The following RPS6KA2 variants were observed in gnomAD, a reference collection of about 807,000 sequenced individuals.
RPS6KA2 encodes ribosomal protein S6 kinase A2, also known as ribosomal protein S6 kinase alpha-2.
RPS6KA2 carries 42 observed loss-of-function variants against 91.8 expected under a neutral mutation model. The ratio of observed to expected loss-of-function variants is 0.46; its 90% confidence interval spans 0.36 to 0.59. RPS6KA2 has a LOEUF of 0.59. RPS6KA2 is among the 20% of genes least tolerant of loss of function. The pLI is 0.00. For synonymous variants in RPS6KA2, 414 were observed against 393.6 expected, an observed-to-expected ratio of 1.05 and a Z score of -0.61; for missense variants, 798 against 978.5, an observed-to-expected ratio of 0.82 and a Z score of 2.46.
At chr6:166,640,073 T>G (rs148106591) in intron 2 of RPS6KA2, among the ~76,000 whole-genome samples, 1 of 152,296 alleles carries the variant, frequency 6.6e-6, no homozygotes, top group Non-Finnish European at 1.5e-5. Flanking sequence ...GCAGTGAAGA[T>G]GGTGAGGCTC....
At chr6:166,652,801 A>G (rs1787899069) in intron 2 of RPS6KA2, among the ~76,000 whole-genome samples, 1 of 152,192 alleles carries the variant, frequency 6.6e-6, no homozygotes, top group Non-Finnish European at 1.5e-5. Flanking sequence ...TAATCAGTGT[A>G]GAATAATGGA....
chr6:166,680,165 C>G (rs1562378880), intron 2 of RPS6KA2, among the ~76,000 whole-genome samples: 1 of 152,070 alleles, frequency 6.6e-6, no homozygotes, highest in African/African-American at 2.4e-5. Flanking sequence ...AATCAGCACT[C>G]TGTGTCTAGC....
chr6:166,635,444 G>A lies in RPS6KA2; in HGVS notation c.124-96660C>T, dbSNP rs984621678. Among the ~76,000 whole-genome samples the A allele has an allele frequency of 2.0e-5, 3 of 152,216 alleles. No homozygotes were observed. Among genetic ancestry groups the A allele is most frequent in the Admixed American group, 1.3e-4 (2 of 15,280 alleles). On this transcript the variant is annotated intron_variant, in intron 2 of 21. Transcript: ENST00000503859. The surrounding 1 kb of genome is among the most constrained non-coding windows in gnomAD (Gnocchi z 4.8). ...AGCCCCCAGAGGAGCCCTTAGTCTC[G>A]CAGATGACTGCTACATTCACAGGCT...
chr6:166,804,685 A>T (rs1028757595), intron 2 of RPS6KA2, among the ~76,000 whole-genome samples: 1 of 152,004 alleles, frequency 6.6e-6, no homozygotes, highest in Non-Finnish European at 1.5e-5. Flanking sequence ...TGTTTTGTCC[A>T]TTAATAATTT....
At chr6:166,458,445 A>G (rs1271985246) in intron 12 of RPS6KA2, among the ~76,000 whole-genome samples, 1 of 152,230 alleles carries the variant, frequency 6.6e-6, no homozygotes, top group East Asian at 1.9e-4. Flanking sequence ...GTGGAACTGT[A>G]AATTCACTAA....
rs1282682776 is a variant in RPS6KA2 at position 166,825,270 on chromosome 6, A to G, written c.123+32930T>C. Reference sequence around the variant, plus strand: ...GTCCCGAGAATAAAAGGCAGGGCTGATGGTGCCGTGACTGCTGGGAATCCA... The same window carrying G: ...GTCCCGAGAATAAAAGGCAGGGCTGGTGGTGCCGTGACTGCTGGGAATCCA... On this transcript the variant is annotated intron_variant, in intron 2 of 21. Coordinates refer to the RPS6KA2 transcript ENST00000503859. This position sits in a 1 kb window ranked among gnomAD's most constrained non-coding sequence, Gnocchi z 4.1. Among the ~76,000 whole-genome samples the G allele has an allele frequency of 3.9e-5, 6 of 152,232 alleles. No homozygotes were observed. Among genetic ancestry groups the G allele is most frequent in the African/African-American group, 1.4e-4 (6 of 41,462 alleles).
intron 19 of RPS6KA2, among the ~76,000 whole-genome samples, chr6:166,416,275 T>C (rs1042978150): frequency 5.6e-3 from 45 of 8,094 alleles, no homozygotes; most frequent in South Asian, 0.022. Flanking sequence ...CTGTCACCTC[T>C]GCCGTCACCC....
intron 1 of RPS6KA2, among the ~76,000 whole-genome samples, chr6:166,579,674 G>A (rs976062528): frequency 6.6e-6 from 1 of 152,228 alleles, no homozygotes. Context: ...GAAGGAAGCA[G>A]CCTGTGAAAA....
intron 2 of RPS6KA2, among the ~76,000 whole-genome samples, chr6:166,535,201 C>T (rs554610364): frequency 6.6e-6 from 1 of 152,292 alleles, no homozygotes; most frequent in African/African-American, 2.4e-5. Context: ...GTGAGAACCG[C>T]GACCTGGCAA....
At chr6:166,840,148 C>T (rs1780430058) in intron 2 of RPS6KA2, among the ~76,000 whole-genome samples, 1 of 152,124 alleles carries the variant, frequency 6.6e-6, no homozygotes, top group Non-Finnish European at 1.5e-5. Flanking sequence ...AACAGACCTC[C>T]AGCTGCTGTG....
chr6:166,589,227 C>T (rs1785280662), intron 1 of RPS6KA2, among the ~76,000 whole-genome samples: 1 of 152,208 alleles, frequency 6.6e-6, no homozygotes, highest in Admixed American at 6.5e-5. Context: ...GTTTCACAGC[C>T]AGTGTGGAGA....
At chr6:166,580,333 C>T (rs997570034) in intron 1 of RPS6KA2, among the ~76,000 whole-genome samples, 1 of 152,222 alleles carries the variant, frequency 6.6e-6, no homozygotes, top group Non-Finnish European at 1.5e-5. Flanking sequence ...ACCCTGACTT[C>T]AGCCATAGTC....
chr6:166,613,773 G>C (rs889441151), intron 1 of RPS6KA2, among the ~76,000 whole-genome samples: 1 of 152,078 alleles, frequency 6.6e-6, no homozygotes. Context: ...GGACACAGTC[G>C]GGCTTTCCAC....
chr6:166,677,086 A>G (rs1788641011), intron 2 of RPS6KA2, among the ~76,000 whole-genome samples: 1 of 152,176 alleles, frequency 6.6e-6, no homozygotes, highest in African/African-American at 2.4e-5. Flanking sequence ...ATTTATATAT[A>G]GTTGTTTTGC....
intron 14 of RPS6KA2, among the ~76,000 whole-genome samples, chr6:166,436,889 TC>T (rs1298858416): frequency 6.6e-6 from 1 of 152,118 alleles, no homozygotes; most frequent in Non-Finnish European, 1.5e-5. Flanking sequence ...GCTCCCGCCT[TC>T]CCCTGACCCG....
intron 2 of RPS6KA2, among the ~76,000 whole-genome samples, chr6:166,744,252 C>T (rs1481822238): frequency 6.6e-6 from 1 of 152,234 alleles, no homozygotes; most frequent in African/African-American, 2.4e-5. Context: ...ATGCAGTGGC[C>T]TCTGGGGGCT....
intron 2 of RPS6KA2, among the ~76,000 whole-genome samples, chr6:166,673,432 C>A (rs901313159): frequency 6.6e-6 from 1 of 152,166 alleles, no homozygotes; most frequent in African/African-American, 2.4e-5. Context: ...CAACAAGGAC[C>A]CTGGAGGAGA....
At position 166,825,011 on chromosome 6, in the gene RPS6KA2, C is replaced by A. The variant is rs993566233; in HGVS notation, c.123+33189G>T. On this transcript the variant is annotated intron_variant, in intron 2 of 21. Coordinates refer to the RPS6KA2 transcript ENST00000503859. The surrounding 1 kb of genome is among the most constrained non-coding windows in gnomAD (Gnocchi z 4.1). Reference sequence around the variant, plus strand: ...TAACTTGAAGCCATGAGCGGAGCACCCCAGGGAGCTGCCTTCCCGTCCGTC... The same window carrying A: ...TAACTTGAAGCCATGAGCGGAGCACACCAGGGAGCTGCCTTCCCGTCCGTC... 1.3e-5 allele frequency among the ~76,000 whole-genome samples: 2 copies of A among 152,218 alleles called. No individual in the cohort carries two copies. The highest frequency in any genetic ancestry group is 4.8e-5 in the African/African-American group (2 of 41,448).
intron 2 of RPS6KA2, among the ~76,000 whole-genome samples, chr6:166,661,346 C>T (rs140372311): frequency 6.9e-4 from 105 of 152,276 alleles, no homozygotes; most frequent in African/African-American, 1.4e-3. Context: ...GCGATCCGCC[C>T]GCCTCGGCCT....
Sources: allele counts gnomAD v4.1 joint callset (sites outside exome capture counted in the v4.1 genomes callset), GRCh38; gene constraint gnomAD v4.1.1; non-coding constraint Gnocchi (gnomAD v3.1); transcripts MANE v1.5; gene names NCBI Gene and HGNC (gene_info 2026-07-23, HGNC 2026-07-21).